The following SPRN variants were observed in gnomAD, a reference collection of about 807,000 sequenced individuals.
SPRN encodes shadow of prion protein.
For missense variants in SPRN, 312 were observed against 241.4 expected (o/e 1.29, Z -1.94); for synonymous variants, 182 against 123.4 (o/e 1.48, Z -3.15).
At chr10:133,423,861 C>T (rs1425948194) in intron 1 of SPRN, among the ~76,000 whole-genome samples, 164 bp from the exon 2 acceptor site, 2 of 152,210 alleles carry the variant, frequency 1.3e-5, no homozygotes, top group Non-Finnish European at 2.9e-5. Flanking sequence ...GGTTTAACCT[C>T]TAGCATCAGG....
chr10:133,421,681 G>C lies in SPRN; in HGVS notation c.*1545C>G, dbSNP rs988831339. 1 of 152,910 alleles carries C rather than the reference G, an allele frequency of 6.5e-6. No homozygotes were observed. Among genetic ancestry groups the C allele is most frequent in the African/African-American group, 2.4e-5 (1 of 41,452 alleles). The allele number at this position is 152,910 out of a possible 1,614,324, so 9.5% of individuals were successfully genotyped here. ...CCTGTGGCTTAGTGCCCTGGAGCTA[G>C]AGAGCAGTGCTTGGTTGAGTCCTGC... On this transcript the variant is annotated 3_prime_UTR_variant, in exon 2 of 2. Transcript: ENST00000685335.
Position 133,421,335 on chromosome 10 carries a change from T to C in SPRN, c.*1891A>G, listed in dbSNP as rs55777511. ...ATTGCAGATCACGAAGTGTCCATCA[T>C]AACTGGAACATTCCATCAGCTTGCA... On this transcript the variant is annotated 3_prime_UTR_variant, in exon 2 of 2. Transcript: ENST00000685335. 0.01 allele frequency: 1,611 copies of C among 153,430 alleles called. 11 individuals carry two copies. The highest frequency in any genetic ancestry group is 0.015 in the Non-Finnish European group (1,014 of 68,216). 9.5% of individuals were successfully genotyped at this position (153,430 alleles called of 1,614,324 possible).
At position 133,423,517 on chromosome 10, in the gene SPRN, C is replaced by A. The variant is rs1490141371; in HGVS notation, c.165G>T (p.Gln55His). ...GGGAGGAGCCCGGGGCACCGTAGCG[C>A]TGCGCCGGCCTCACGCGCACCCTCG... ...GASRVRVRPA[Q>H]RYGAPGSSLR... is the part of the protein sequence containing the mutation. The change falls in exon 2 of 2, where the codon CAG becomes CAT. Residue 55 changes from glutamine to histidine, a missense_variant. Coordinates refer to ENST00000685335, the MANE Select transcript of SPRN (RefSeq NM_001391974.1). The A allele has an allele frequency of 1.7e-6, 2 of 1,187,856 alleles. No individual in the cohort carries two copies. The highest frequency in any genetic ancestry group is 1.6e-5 in the African/African-American group (1 of 62,100). The allele number at this position is 1,187,856 out of a possible 1,614,324, so 73.6% of individuals were successfully genotyped here. A position where few individuals can be genotyped will look rare whatever the true frequency, so the allele number is the denominator to read the frequency against.
In SPRN at chr10:133,423,531, C is replaced by T. The variant is rs888383309; in HGVS notation, c.151G>A (p.Val51Met). 3.3e-6 allele frequency: 4 copies of T among 1,210,498 alleles called. No individual in the cohort carries two copies. Among genetic ancestry groups the T allele is most frequent in the Non-Finnish European group, 4.1e-6 (4 of 975,978 alleles). The allele number at this position is 1,210,498 out of a possible 1,614,324, so 75.0% of individuals were successfully genotyped here. A position where few individuals can be genotyped will look rare whatever the true frequency, so the allele number is the denominator to read the frequency against. ...GCACCGTAGCGCTGCGCCGGCCTCA[C>T]GCGCACCCTCGAGGCCCCGCGCGCA... ...GGARGASRVRVRPAQRYGAPG... is the reference protein window; with the variant it reads ...GGARGASRVRMRPAQRYGAPG... The change falls in exon 2 of 2, where the codon GTG (valine) becomes ATG (methionine). Residue 51 changes from valine to methionine, a missense_variant. By Grantham distance (21) the Val-to-Met change is conservative. Coordinates refer to ENST00000685335, the MANE Select transcript of SPRN (RefSeq NM_001391974.1).
rs1340413585 is a variant in SPRN at position 133,423,541 on chromosome 10, C to A, written c.141G>T (p.Ser47=). 8.0e-7 allele frequency: 1 copy of A among 1,251,314 alleles called. No individual in the cohort carries two copies. Among genetic ancestry groups the A allele is most frequent in the African/African-American group, 1.6e-5 (1 of 63,208 alleles). The allele number at this position is 1,251,314 out of a possible 1,614,324, so 77.5% of individuals were successfully genotyped here. A position where few individuals can be genotyped will look rare whatever the true frequency, so the allele number is the denominator to read the frequency against. ...GGVRGGARGA[S]RVRVRPAQRY... is the part of the protein sequence containing the mutation. Reference sequence around the variant, plus strand: ...GCTGCGCCGGCCTCACGCGCACCCTCGAGGCCCCGCGCGCACCCCCGCGGA... The same window carrying A: ...GCTGCGCCGGCCTCACGCGCACCCTAGAGGCCCCGCGCGCACCCCCGCGGA... The change falls in exon 2 of 2, where the codon TCG becomes TCT. Residue 47 remains serine, a synonymous_variant. Transcript: ENST00000685335.
At position 133,421,813 on chromosome 10, in the gene SPRN, G is replaced by C. The variant is rs886208005; in HGVS notation, c.*1413C>G. The C allele has an allele frequency of 6.5e-6, 1 of 152,834 alleles. No individual in the cohort carries two copies. The highest frequency in any genetic ancestry group is 1.5e-5 in the Non-Finnish European group (1 of 68,470). The allele number at this position is 152,834 out of a possible 1,614,324, so 9.5% of individuals were successfully genotyped here. On this transcript the variant is annotated 3_prime_UTR_variant, in exon 2 of 2. Coordinates refer to ENST00000685335, the MANE Select transcript of SPRN (RefSeq NM_001391974.1). ...TGGTCTTGACTTTGGTGTCCACTGA[G>C]TCCCGAGGCTCAGGCCCAGGAGGGA...
rs1177212493 is a variant in SPRN, at chr10:133,423,153, G to A, written c.*73C>T. The stretch of plus-strand genomic sequence containing the variant: ...AAGACCGTGGGCAAGGGAGGAAGGG[G>A]GAGCCCAGGCCGGAGGATCCTGGGG... On this transcript the variant is annotated 3_prime_UTR_variant, in exon 2 of 2. Transcript: ENST00000685335. 3 of 1,331,852 alleles carry A rather than the reference G, an allele frequency of 2.3e-6. No individual in the cohort carries two copies. Among genetic ancestry groups the A allele is most frequent in the Non-Finnish European group, 2.9e-6 (3 of 1,023,624 alleles). The allele number at this position is 1,331,852 out of a possible 1,614,324, so 82.5% of individuals were successfully genotyped here. A position where few individuals can be genotyped will look rare whatever the true frequency, so the allele number is the denominator to read the frequency against.
At chr10:133,423,932 A>G (rs1389683233) in intron 1 of SPRN, among the ~76,000 whole-genome samples, 1 of 150,536 alleles carries the variant, frequency 6.6e-6, no homozygotes, top group Non-Finnish European at 1.5e-5. Flanking sequence ...TCTGCACCTG[A>G]AGGTTGTGCA....
chr10:133,421,862 T>A lies in SPRN; in HGVS notation c.*1364A>T, dbSNP rs1251339102. 1.4e-5 allele frequency: 2 copies of A among 143,514 alleles called. No individual in the cohort carries two copies. The highest frequency in any genetic ancestry group is 3.0e-5 in the Non-Finnish European group (2 of 66,492). 8.9% of individuals were successfully genotyped at this position (143,514 alleles called of 1,614,324 possible). A position where few individuals can be genotyped will look rare whatever the true frequency, so the allele number is the denominator to read the frequency against. ...GATGCAGTCCGGCTGAGGGCGAGGC[T>A]GTCCCCAGGACATGGAGAGGGTGAG... On this transcript the variant is annotated 3_prime_UTR_variant, in exon 2 of 2. Coordinates refer to ENST00000685335, the MANE Select transcript of SPRN (RefSeq NM_001391974.1).
Position 133,423,659 on chromosome 10 carries a change from C to T in SPRN, c.23G>A (p.Cys8Tyr). 1.3e-6 allele frequency: 2 copies of T among 1,587,788 alleles called. No homozygotes were observed. The highest frequency in any genetic ancestry group is 1.7e-5 in the Admixed American group (1 of 58,500). Reference protein sequence around the residue: MNWAPATCWALLLAAAFL... With the variant: MNWAPATYWALLLAAAFL... ...GGCGGCCGCCAGTAGCAGAGCCCAG[C>T]ACGTTGCGGGTGCCCAGTTCATCTT... is the stretch of plus-strand genomic sequence containing the variant. Residue 8 changes from cysteine (C) to tyrosine (Y), a missense_variant, in exon 2 of 2, where the codon TGC (cysteine) becomes TAC (tyrosine). Coordinates refer to ENST00000685335, the MANE Select transcript of SPRN (RefSeq NM_001391974.1).
rs985913867 is a variant in SPRN, at chr10:133,422,586, A to G, written c.*640T>C. 2 of 152,298 alleles carry G rather than the reference A, an allele frequency of 1.3e-5. No homozygotes were observed. Among genetic ancestry groups the G allele is most frequent in the African/African-American group, 4.8e-5 (2 of 41,440 alleles). The allele number at this position is 152,298 out of a possible 1,614,324, so 9.4% of individuals were successfully genotyped here. A position where few individuals can be genotyped will look rare whatever the true frequency, so the allele number is the denominator to read the frequency against. On this transcript the variant is annotated 3_prime_UTR_variant, in exon 2 of 2. Transcript: ENST00000685335. Reference sequence around the variant, plus strand: ...AGGGTGTGGGGGAGAAGGCCTGGACAGCCCCTCAGGGCAGGGTGTGTTTTC... The same window carrying G: ...AGGGTGTGGGGGAGAAGGCCTGGACGGCCCCTCAGGGCAGGGTGTGTTTTC...
Position 133,423,226 on chromosome 10 carries a change from C to A in SPRN, c.456G>T (p.Ter152TyrextTer78). The A allele has an allele frequency of 6.9e-7, 1 of 1,444,350 alleles. No individual in the cohort carries two copies. Among genetic ancestry groups the A allele is most frequent in the Non-Finnish European group, 9.1e-7 (1 of 1,098,592 alleles). The allele number at this position is 1,444,350 out of a possible 1,614,324, so 89.5% of individuals were successfully genotyped here. A position where few individuals can be genotyped will look rare whatever the true frequency, so the allele number is the denominator to read the frequency against. The change falls in exon 2 of 2, where the codon TAG becomes TAT. Residue 152 changes from the stop codon to tyrosine (Y), a stop_lost. Transcript: ENST00000685335. Reference sequence around the variant, plus strand: ...ATGTGGTCCCCGAGCCCAGCCAGGCCTAGGGCCGCAGCAGCCCCAGGGCTC... The same window carrying A: ...ATGTGGTCCCCGAGCCCAGCCAGGCATAGGGCCGCAGCAGCCCCAGGGCTC... ...ALGALGLLRP[*>Y]
Position 133,423,406 on chromosome 10 carries a change from G to A in SPRN, c.276C>T (p.Ala92=), listed in dbSNP as rs1164143054. 3 of 1,484,780 alleles carry A rather than the reference G, an allele frequency of 2.0e-6. No individual in the cohort carries two copies. Among genetic ancestry groups the A allele is most frequent in the Non-Finnish European group, 1.8e-6 (2 of 1,121,740 alleles). The allele number at this position is 1,484,780 out of a possible 1,614,324, so 92.0% of individuals were successfully genotyped here. A position where few individuals can be genotyped will look rare whatever the true frequency, so the allele number is the denominator to read the frequency against. ...CCAGGCCGCGTTCCCCGGGTCCCGC[G>A]GCCCTTCTCCAGCCCGAGCCCGCCG... The part of the protein sequence containing the change: ...GLAAGSGWRR[A]AGPGERGLED... The change falls in exon 2 of 2, where the codon GCC becomes GCT. Residue 92 remains alanine, a synonymous_variant. Coordinates refer to ENST00000685335, the MANE Select transcript of SPRN (RefSeq NM_001391974.1).
At position 133,423,522 on chromosome 10, in the gene SPRN, C is replaced by A. The variant is rs1048510459; in HGVS notation, c.160G>T (p.Ala54Ser). Residue 54 changes from alanine to serine, a missense_variant, in exon 2 of 2, where the codon GCG becomes TCG. Transcript: ENST00000685335. Reference sequence around the variant, plus strand: ...GAGCCCGGGGCACCGTAGCGCTGCGCCGGCCTCACGCGCACCCTCGAGGCC... The same window carrying A: ...GAGCCCGGGGCACCGTAGCGCTGCGACGGCCTCACGCGCACCCTCGAGGCC... ...RGASRVRVRPAQRYGAPGSSL... is the reference protein window; with the variant it reads ...RGASRVRVRPSQRYGAPGSSL... 2 of 1,194,532 alleles carry A rather than the reference C, an allele frequency of 1.7e-6. No individual in the cohort carries two copies. The highest frequency in any genetic ancestry group is 1.6e-5 in the African/African-American group (1 of 62,200). The allele number at this position is 1,194,532 out of a possible 1,614,324, so 74.0% of individuals were successfully genotyped here.
At position 133,423,336 on chromosome 10, in the gene SPRN, C is replaced by G. The variant is rs964766780; in HGVS notation, c.346G>C (p.Gly116Arg). The change falls in exon 2 of 2, where the codon GGC becomes CGC. Residue 116 changes from glycine (G) to arginine (R), a missense_variant. Gly to Arg is a moderately radical substitution (Grantham distance 125). Coordinates refer to ENST00000685335, the MANE Select transcript of SPRN (RefSeq NM_001391974.1). ...GVPGGNGTGP[G>R]IYSYRAWTSG... is the part of the protein sequence containing the mutation. ...GTCCACGCCCGGTAGCTGTAGATGC[C>G]GGGGCCTGTCCCGTTGCCTCCGGGC... The G allele has an allele frequency of 6.6e-7, 1 of 1,521,936 alleles. No homozygotes were observed. Among genetic ancestry groups the G allele is most frequent in the Non-Finnish European group, 8.8e-7 (1 of 1,140,052 alleles). 94.3% of individuals were successfully genotyped at this position (1,521,936 alleles called of 1,614,324 possible). A position where few individuals can be genotyped will look rare whatever the true frequency, so the allele number is the denominator to read the frequency against.
chr10:133,424,223 G>A (rs1310707952), intron 1 of SPRN, among the ~76,000 whole-genome samples: 2 of 134,578 alleles, frequency 1.5e-5, no homozygotes, highest in African/African-American at 5.9e-5. Context: ...CGGATGCTGC[G>A]GAGGACAAGC....
Position 133,423,376 on chromosome 10 carries a change from G to C in SPRN, c.306C>G (p.Asp102Glu). The C allele has an allele frequency of 6.6e-7, 1 of 1,507,198 alleles. No homozygotes were observed. The highest frequency in any genetic ancestry group is 8.8e-7 in the Non-Finnish European group (1 of 1,133,372). The allele number at this position is 1,507,198 out of a possible 1,614,324, so 93.4% of individuals were successfully genotyped here. Residue 102 changes from aspartate (D) to glutamate (E), a missense_variant, in exon 2 of 2, where the codon GAC becomes GAG. Asp to Glu is a conservative substitution (Grantham distance 45). Coordinates refer to ENST00000685335, the MANE Select transcript of SPRN (RefSeq NM_001391974.1). ...TGCCTCCGGGCACCCCGTCCTCCTC[G>C]TCCTCCAGGCCGCGTTCCCCGGGTC... Reference protein sequence around the residue: ...AAGPGERGLEDEEDGVPGGNG... With the variant: ...AAGPGERGLEEEEDGVPGGNG...
rs200532029 is a variant in SPRN, at chr10:133,423,672, C to A, written c.10G>T (p.Ala4Ser). 1 of 1,578,856 alleles carries A rather than the reference C, an allele frequency of 6.3e-7. No individual in the cohort carries two copies. ...AGCAGAGCCCAGCACGTTGCGGGTG[C>A]CCAGTTCATCTTCGTGGGGCTAAAC... MNWAPATCWALLLA... is the reference protein window; with the variant it reads MNWSPATCWALLLA... Residue 4 changes from alanine to serine, a missense_variant, in exon 2 of 2, where the codon GCA becomes TCA. By Grantham distance (99) the Ala-to-Ser change is moderately conservative (BLOSUM62 1). Coordinates refer to ENST00000685335, the MANE Select transcript of SPRN (RefSeq NM_001391974.1).
At position 133,423,499 on chromosome 10, in the gene SPRN, G is replaced by C; in HGVS notation, c.183C>G (p.Gly61=). ...VRPAQRYGAP[G]SSLRVAAAGA... ...CGGCGGCAGCCACGCGCAGGGAGGA[G>C]CCCGGGGCACCGTAGCGCTGCGCCG... The change falls in exon 2 of 2, where the codon GGC becomes GGG. Residue 61 remains glycine (G), a synonymous_variant. Coordinates refer to ENST00000685335, the MANE Select transcript of SPRN (RefSeq NM_001391974.1). 1 of 1,168,434 alleles carries C rather than the reference G, an allele frequency of 8.6e-7. No individual in the cohort carries two copies. The highest frequency in any genetic ancestry group is 1.1e-6 in the Non-Finnish European group (1 of 951,508). 72.4% of individuals were successfully genotyped at this position (1,168,434 alleles called of 1,614,324 possible).
Sources: allele counts gnomAD v4.1 joint callset (sites outside exome capture counted in the v4.1 genomes callset), GRCh38; gene constraint gnomAD v4.1.1; transcripts MANE v1.5; gene names NCBI Gene and HGNC (gene_info 2026-07-23, HGNC 2026-07-21).